Variants in MAP3K5 observed in about 807,000 individuals in gnomAD.
The protein encoded by MAP3K5 is mitogen-activated protein kinase kinase kinase 5.
Under a neutral mutation model 158.7 loss-of-function variants are expected in MAP3K5, and 56 were observed. The ratio of observed to expected loss-of-function variants is 0.35; its 90% confidence interval spans 0.28 to 0.44. MAP3K5 has a LOEUF of 0.44. Ranked by LOEUF, MAP3K5 falls within the 20% of genes least tolerant of loss-of-function variation. The pLI, the probability that MAP3K5 is intolerant of heterozygous loss-of-function variation, is 1.00. For missense variants in MAP3K5, 1,294 were observed against 1,674.8 expected, an observed-to-expected ratio of 0.77 and a Z score of 3.97; for synonymous variants, 579 against 601.7, an observed-to-expected ratio of 0.96 and a Z score of 0.55.
At chr6:136,784,891 T>C (rs1296090947) in intron 1 of MAP3K5, among the ~76,000 whole-genome samples, 2 of 152,162 alleles carry the variant, frequency 1.3e-5, no homozygotes, top group Admixed American at 6.5e-5. Context: ...GATTTTCTTG[T>C]CTCTCTGTCT....
rs1776225071 is a variant in MAP3K5, at chr6:136,609,153, CAA to C, written c.2521+2127_2521+2128del. On this transcript the variant is annotated intron_variant, in intron 18 of 29. Coordinates refer to ENST00000359015, the MANE Select transcript of MAP3K5 (RefSeq NM_005923.4). The surrounding 1 kb of genome is among the most constrained non-coding windows in gnomAD (Gnocchi z 4.4). ...GATACTGTGTTAACATCCTGTCCCA[CAA>C]AGTGTGTGAAACGAGGGATTTTCCT... is the stretch of plus-strand genomic sequence containing the variant. Among the ~76,000 whole-genome samples, 1 of 152,192 alleles carries C rather than the reference CAA, an allele frequency of 6.6e-6. No individual in the cohort carries two copies. The highest frequency in any genetic ancestry group is 1.5e-5 in the Non-Finnish European group (1 of 68,034).
intron 23 of MAP3K5, among the ~76,000 whole-genome samples, chr6:136,585,025 A>G (rs980344301): frequency 1.3e-5 from 2 of 152,172 alleles, no homozygotes; most frequent in Non-Finnish European, 2.9e-5. Flanking sequence ...CTAAGAACGG[A>G]CCGATGGACT....
At chr6:136,649,430 C>T (rs1683294631) in intron 11 of MAP3K5, among the ~76,000 whole-genome samples, 1 of 152,216 alleles carries the variant, frequency 6.6e-6, no homozygotes, top group Admixed American at 6.5e-5. Flanking sequence ...ACTATGTTTA[C>T]ATCCCTATTA....
chr6:136,665,941 T>A (rs146973623), intron 8 of MAP3K5, among the ~76,000 whole-genome samples: 2,696 of 152,320 alleles, frequency 0.018, 74 homozygotes, highest in African/African-American at 0.059. Context: ...AAACATAGTG[T>A]TCTTTTACTG....
In MAP3K5 at chr6:136,791,767, G is replaced by A; in HGVS notation, c.391C>T (p.His131Tyr). The A allele has an allele frequency of 1.2e-6, 2 of 1,613,530 alleles. No individual in the cohort carries two copies. The highest frequency in any genetic ancestry group is 1.7e-6 in the Non-Finnish European group (2 of 1,180,022). ...ETVGATLETLHFGKLDFGETT... is the reference protein window; with the variant it reads ...ETVGATLETLYFGKLDFGETT... Reference sequence around the variant, plus strand: ...TCTCCAAAGTCGAGTTTCCCAAAATGCAGGGTTTCCAGGGTGGCGCCCACT... The same window carrying A: ...TCTCCAAAGTCGAGTTTCCCAAAATACAGGGTTTCCAGGGTGGCGCCCACT... The change falls in exon 1 of 30, where the codon CAT becomes TAT. Residue 131 changes from histidine (H) to tyrosine (Y), a missense_variant. Physicochemically the swap from His to Tyr is moderately conservative, Grantham distance 83. Coordinates refer to ENST00000359015, the MANE Select transcript of MAP3K5 (RefSeq NM_005923.4).
chr6:136,681,777 G>A (rs1288395463), intron 7 of MAP3K5, among the ~76,000 whole-genome samples: 3 of 152,040 alleles, frequency 2.0e-5, no homozygotes, highest in African/African-American at 7.2e-5. Context: ...AAATTAGCCG[G>A]GTGTGGTGGC....
Position 136,716,155 on chromosome 6 carries a change from T to C in MAP3K5, c.588+4295A>G, listed in dbSNP as rs560020966. On this transcript the variant is annotated intron_variant, in intron 2 of 29. Transcript: ENST00000359015. ...TAACATAAACATTCTTGATTATATC[T>C]CCTTATGCATGCAAGAGACTTTTTT... 3.0e-4 allele frequency among the ~76,000 whole-genome samples: 45 copies of C among 150,716 alleles called. No individual in the cohort carries two copies. In the South Asian group the frequency reaches 7.9e-3, roughly 26 times the overall value.
intron 18 of MAP3K5, 74 bp from the exon 19 acceptor site, chr6:136,605,440 G>A: frequency 7.8e-7 from 1 of 1,282,026 alleles, no homozygotes; most frequent in East Asian, 2.5e-5. Flanking sequence ...TTTTTCAACA[G>A]AATTTTTCAA....
At chr6:136,583,439 C>T in intron 24 of MAP3K5, 116 bp downstream of exon 24, 1 of 967,310 alleles carries the variant, frequency 1.0e-6, no homozygotes, top group Non-Finnish European at 1.5e-6. Flanking sequence ...ATTTTTCATC[C>T]AAAAAGAATA....
intron 2 of MAP3K5, among the ~76,000 whole-genome samples, chr6:136,719,684 A>G (rs954158373): frequency 5.3e-5 from 8 of 152,340 alleles, no homozygotes; most frequent in Admixed American, 1.3e-4. Flanking sequence ...CTAGAGCTCA[A>G]TGTCCCAAGG....
chr6:136,700,119 AAAGAAGGAAAG>A lies in MAP3K5; in HGVS notation c.613-1448_613-1438del, dbSNP rs1780783964. On this transcript the variant is annotated intron_variant, in intron 3 of 29. Coordinates refer to ENST00000359015, the MANE Select transcript of MAP3K5 (RefSeq NM_005923.4). ...ATGAAAGAAGGAGAAAGAGAGAGAG[AAAGAAGGAAAG>A]AAGAAGGGAGGAAGGAGGGAGGGAG... Among the ~76,000 whole-genome samples the A allele has an allele frequency of 2.0e-5, 3 of 152,232 alleles. No homozygotes were observed. The South Asian group carries it at 6.2e-4, about 32-fold the overall frequency.
At chr6:136,581,690 G>A (rs529030480) in intron 24 of MAP3K5, among the ~76,000 whole-genome samples, 5 of 152,128 alleles carry the variant, frequency 3.3e-5, no homozygotes, top group South Asian at 2.1e-4. Flanking sequence ...GGACTTCATC[G>A]TACTAGTTGC....
intron 25 of MAP3K5, among the ~76,000 whole-genome samples, chr6:136,575,320 C>T (rs769110989): frequency 1.3e-5 from 2 of 151,806 alleles, no homozygotes; most frequent in African/African-American, 2.4e-5. Context: ...TGCTGCCATG[C>T]CTGACTTATT....
chr6:136,601,121 A>G, intron 20 of MAP3K5, 79 bp from the exon 21 acceptor site: 1 of 1,355,424 alleles, frequency 7.4e-7, no homozygotes, highest in South Asian at 1.2e-5. Context: ...CAAAAAATGA[A>G]TGCCTGAAAT....
intron 2 of MAP3K5, among the ~76,000 whole-genome samples, chr6:136,709,955 G>A (rs895872958): frequency 2.0e-5 from 3 of 152,098 alleles, no homozygotes; most frequent in African/African-American, 7.2e-5. Flanking sequence ...AAAATCATTC[G>A]TGTAACATCT....
At chr6:136,625,612 A>G (rs1444039437) in intron 14 of MAP3K5, among the ~76,000 whole-genome samples, 1 of 152,250 alleles carries the variant, frequency 6.6e-6, no homozygotes, top group East Asian at 1.9e-4. Context: ...AACACTTATT[A>G]TAATACTCAT....
At chr6:136,658,152 T>C (rs966090886) in intron 9 of MAP3K5, among the ~76,000 whole-genome samples, 1 of 152,110 alleles carries the variant, frequency 6.6e-6, no homozygotes, top group African/African-American at 2.4e-5. Context: ...GTTTCTGTGA[T>C]GAAAACAGCC....
chr6:136,771,008 T>C (rs1784176802), intron 1 of MAP3K5, among the ~76,000 whole-genome samples: 1 of 152,178 alleles, frequency 6.6e-6, no homozygotes, highest in Non-Finnish European at 1.5e-5. Context: ...AAACACTAGA[T>C]GTCATTTAAT....
rs989803366 is a variant in MAP3K5, at chr6:136,682,337, A to G, written c.1253+11803T>C. 1.9e-4 allele frequency among the ~76,000 whole-genome samples: 29 copies of G among 152,208 alleles called. 2 individuals are homozygous for G. The highest frequency in any genetic ancestry group is 1.3e-4 in the Non-Finnish European group (9 of 68,040). On this transcript the variant is annotated intron_variant, in intron 7 of 29. Transcript: ENST00000359015. Reference sequence around the variant, plus strand: ...AGAGAGGGGGAAGGAGGGTGGTAAAAATGAAGAGAACACTGAGAAACATAA... The same window carrying G: ...AGAGAGGGGGAAGGAGGGTGGTAAAGATGAAGAGAACACTGAGAAACATAA...
Sources: allele counts gnomAD v4.1 joint callset (sites outside exome capture counted in the v4.1 genomes callset), GRCh38; gene constraint gnomAD v4.1.1; non-coding constraint Gnocchi (gnomAD v3.1); transcripts MANE v1.5; gene names NCBI Gene and HGNC (gene_info 2026-07-23, HGNC 2026-07-21).